Variants in IFT122 observed in about 807,000 individuals in gnomAD.
IFT122 encodes the protein intraflagellar transport 122, also known as intraflagellar transport protein 122 homolog.
In IFT122, 118 loss-of-function variants were observed where a neutral mutation model predicts 161.6. The ratio of observed to expected loss-of-function variants is 0.73; its 90% CI spans 0.63 to 0.85. The LOEUF is 0.85. Among genes scored for constraint, IFT122 ranks in the 40% least tolerant of loss-of-function variants. IFT122 has a pLI of 0.00. For synonymous variants in IFT122, 550 were observed against 602.4 expected, an observed-to-expected ratio of 0.91 and a Z score of 1.27; for missense variants, 1,381 against 1,579.6, an observed-to-expected ratio of 0.87 and a Z score of 2.13.
intron 3 of IFT122, among the ~76,000 whole-genome samples, chr3:129,452,625 C>T (rs942167001): frequency 2.6e-5 from 4 of 152,060 alleles, no homozygotes; most frequent in African/African-American, 7.2e-5. Context: ...CAAAGAGAAT[C>T]GGGAATTGTA....
intron 3 of IFT122, among the ~76,000 whole-genome samples, chr3:129,453,765 G>A (rs1395267719): frequency 6.6e-6 from 1 of 152,156 alleles, no homozygotes; most frequent in Admixed American, 6.5e-5. Context: ...GGTGGGTTGG[G>A]AAGGAAGGGA....
chr3:129,486,072 C>A (rs1290774055), intron 15 of IFT122, among the ~76,000 whole-genome samples: 1 of 152,216 alleles, frequency 6.6e-6, no homozygotes, highest in African/African-American at 2.4e-5. Flanking sequence ...TGTTTGAAAT[C>A]CAACAGCAAG....
chr3:129,517,350 C>T, intron 26 of IFT122, 119 bp from the exon 27 acceptor site: 1 of 1,341,582 alleles, frequency 7.5e-7, no homozygotes, highest in Non-Finnish European at 1.0e-6. Context: ...GCTGCCTCTT[C>T]TTGCTTTTGG....
intron 29 of IFT122, 33 bp from the exon 30 acceptor site, chr3:129,520,143 C>T (rs773649300): frequency 1.8e-5 from 28 of 1,575,238 alleles, no homozygotes; most frequent in Non-Finnish European, 2.3e-5. Context: ...AGCACTAGGG[C>T]TTCAGCCTGG....
chr3:129,451,692 T>C (rs2074871841), intron 2 of IFT122, among the ~76,000 whole-genome samples: 2 of 152,344 alleles, frequency 1.3e-5, no homozygotes. Flanking sequence ...CAAGGATTGG[T>C]AGTATATTCC....
Position 129,506,410 on chromosome 3 carries a change from G to A in IFT122, c.2652G>A (p.Ala884=), listed in dbSNP as rs201147770. The change falls in exon 22 of 30, where the codon GCG becomes GCA. Residue 884 remains alanine (A), a splice_region_variant and synonymous_variant. Coordinates refer to ENST00000348417, the MANE Select transcript of IFT122 (RefSeq NM_052989.3). Reference sequence around the variant, plus strand: ...TTCCTCCCTCCACCACTCCTACAGCGTTCCACAAGGCTGGGCGACAGAGAG... The same window carrying A: ...TTCCTCCCTCCACCACTCCTACAGCATTCCACAAGGCTGGGCGACAGAGAG... The part of the protein sequence containing the change: ...ENDRFEEAQK[A]FHKAGRQREA... The A allele has an allele frequency of 2.5e-5, 41 of 1,613,780 alleles. No homozygotes were observed. The highest frequency in any genetic ancestry group is 1.7e-4 in the Middle Eastern group (1 of 5,930).
chr3:129,518,252 C>T lies in IFT122; in HGVS notation c.3391+658C>T, dbSNP rs3774784. On this transcript the variant is annotated intron_variant, in intron 27 of 29. Transcript: ENST00000348417. ...CTCTCAGCTGTGGCAGTGAAAGCCC[C>T]GGGGCACAGCTCAGCCTGCCCCTTG... 5.4e-4 allele frequency among the ~76,000 whole-genome samples: 83 copies of T among 152,348 alleles called. No homozygotes were observed. In the East Asian group the frequency reaches 0.014, roughly 27 times the overall value.
rs761345225 is a variant in IFT122 at position 129,495,581 on chromosome 3, G to A, written c.2182G>A (p.Asp728Asn). 7.4e-6 allele frequency: 12 copies of A among 1,614,146 alleles called. No individual in the cohort carries two copies. The highest frequency in any genetic ancestry group is 5.5e-5 in the South Asian group (5 of 91,076). Residue 728 changes from aspartate (D) to asparagine (N), a missense_variant, in exon 18 of 30, where the codon GAC (aspartate) becomes AAC (asparagine). By Grantham distance (23) the Asp-to-Asn change is conservative. Coordinates refer to ENST00000348417, the MANE Select transcript of IFT122 (RefSeq NM_052989.3). ...GAACCTCGCGCTTGAAATGTACACCGACCTCTGCATGTTTGAGTATGCCAA... is the reference window on the plus strand; with the variant it reads ...GAACCTCGCGCTTGAAATGTACACCAACCTCTGCATGTTTGAGTATGCCAA... The part of the protein sequence containing the change: ...HENLALEMYT[D>N]LCMFEYAKDF...
intron 18 of IFT122, among the ~76,000 whole-genome samples, chr3:129,497,789 G>C (rs1284720371): frequency 6.6e-6 from 1 of 152,132 alleles, no homozygotes; most frequent in Non-Finnish European, 1.5e-5. Context: ...TACACATTAT[G>C]TGGGGGGTGG....
At chr3:129,459,412 C>G (rs919544498) in intron 4 of IFT122, 1 of 388,830 alleles carries the variant, frequency 2.6e-6, no homozygotes, top group African/African-American at 2.2e-5. Context: ...GCCTCAGCCT[C>G]CCGAGTAGCT....
In IFT122 at chr3:129,481,651, C is replaced by T. The variant is rs997532636; in HGVS notation, c.1610C>T (p.Thr537Ile). 16 of 1,613,870 alleles carry T rather than the reference C, an allele frequency of 9.9e-6. No homozygotes were observed. Among genetic ancestry groups the T allele is most frequent in the Non-Finnish European group, 1.2e-5 (14 of 1,179,828 alleles). The change falls in exon 14 of 30, where the codon ACT becomes ATT. Residue 537 changes from threonine (T) to isoleucine (I), a missense_variant. Physicochemically the swap from Thr to Ile is moderately conservative, Grantham distance 89. Coordinates refer to ENST00000348417, the MANE Select transcript of IFT122 (RefSeq NM_052989.3). ...KKLAVVDEND[T>I]CLVYDIDTKE... ...CTGGCCGTGGTAGATGAAAATGACA[C>T]TTGCCTGGTGTATGACATCGACACC... is the stretch of plus-strand genomic sequence containing the variant.
intron 14 of IFT122, among the ~76,000 whole-genome samples, chr3:129,482,272 T>C (rs761508374): frequency 6.6e-6 from 1 of 152,232 alleles, no homozygotes; most frequent in East Asian, 1.9e-4. Flanking sequence ...TCCAGCCCTG[T>C]GGCCTGAGGA....
chr3:129,498,107 C>A (rs1457234646), intron 18 of IFT122, among the ~76,000 whole-genome samples: 1 of 152,220 alleles, frequency 6.6e-6, no homozygotes, highest in Non-Finnish European at 1.5e-5. Flanking sequence ...TAATGTGTAA[C>A]TTAGCTTCAG....
intron 17 of IFT122, among the ~76,000 whole-genome samples, chr3:129,494,212 G>GTT (rs554860543): frequency 1.4e-4 from 19 of 136,790 alleles, no homozygotes; most frequent in South Asian, 1.2e-3. Flanking sequence ...TTGTTTGTTT[G>GTT]TTTGTTTTTT....
chr3:129,479,815 G>C lies in IFT122; in HGVS notation c.1381G>C (p.Gly461Arg). 1 of 1,614,020 alleles carries C rather than the reference G, an allele frequency of 6.2e-7. No homozygotes were observed. Among genetic ancestry groups the C allele is most frequent in the Non-Finnish European group, 8.5e-7 (1 of 1,180,004 alleles). Residue 461 changes from glycine to arginine, a missense_variant, in exon 13 of 30, where the codon GGA (glycine) becomes CGA (arginine). Coordinates refer to ENST00000348417, the MANE Select transcript of IFT122 (RefSeq NM_052989.3). ...ACGGCTGCAGTGCCTGTCCTTCAGC[G>C]GAGTGAAGGAGCGGGAGTGGCAGAT... ...EKRLQCLSFSGVKEREWQMES... is the reference protein window; with the variant it reads ...EKRLQCLSFSRVKEREWQMES...
chr3:129,515,681 G>A lies in IFT122; in HGVS notation c.3265+82G>A, dbSNP rs183204439. The stretch of plus-strand genomic sequence containing the variant: ...CTCCACTGCTCTCTGGCCTCAGGAC[G>A]TTGGGCAAGGGCCAAAGGCCTCTGA... On this transcript the variant is annotated intron_variant, in intron 26 of 29. Coordinates refer to ENST00000348417, the MANE Select transcript of IFT122 (RefSeq NM_052989.3). 667 of 1,277,388 alleles carry A rather than the reference G, an allele frequency of 5.2e-4. 2 individuals carry two copies. In the African/African-American group the frequency reaches 6.4e-3, roughly 12 times the overall value. 79.1% of individuals were successfully genotyped at this position (1,277,388 alleles called of 1,614,324 possible).
chr3:129,470,207 C>A (rs964503878), intron 9 of IFT122, among the ~76,000 whole-genome samples: 1 of 152,050 alleles, frequency 6.6e-6, no homozygotes, highest in Non-Finnish European at 1.5e-5. Context: ...GACCTGAAAA[C>A]AGAGCTGAAG....
chr3:129,507,893 C>G, intron 23 of IFT122, 131 bp downstream of exon 23: 1 of 750,664 alleles, frequency 1.3e-6, no homozygotes, highest in Non-Finnish European at 2.4e-6. Context: ...GAATCTTGGT[C>G]TCCTCTGGGA....
chr3:129,463,461 A>C (rs1163239253), intron 5 of IFT122, 99 bp from the exon 6 acceptor site: 11 of 904,024 alleles, frequency 1.2e-5, no homozygotes, highest in Admixed American at 3.6e-5. Flanking sequence ...AATCCTGGAG[A>C]TCCATCTAAG....
Sources: allele counts gnomAD v4.1 joint callset (sites outside exome capture counted in the v4.1 genomes callset), GRCh38; gene constraint gnomAD v4.1.1; transcripts MANE v1.5; gene names NCBI Gene and HGNC (gene_info 2026-07-23, HGNC 2026-07-21).